Variants in GATAD2B observed in about 807,000 individuals in gnomAD.
The protein encoded by GATAD2B is GATA zinc finger domain containing 2B, also known as transcriptional repressor p66-beta.
A neutral mutation model predicts 64.3 loss-of-function variants in GATAD2B; 8 were observed. The observed-to-expected ratio is 0.12, with a 90% CI of 0.07 to 0.22. The LOEUF (loss-of-function observed/expected upper bound fraction) is 0.22, where lower values mean the gene tolerates loss of function less well. Ranked by LOEUF, GATAD2B falls within the 10% of genes least tolerant of loss-of-function variation. GATAD2B has a pLI of 1.00. For missense variants in GATAD2B, 453 were observed against 752.0 expected, an observed-to-expected ratio of 0.60 and a Z score of 4.65; for synonymous variants, 281 against 271.3, an observed-to-expected ratio of 1.04 and a Z score of -0.35.
chr1:153,859,163 G>C (rs1281400642), intron 1 of GATAD2B, among the ~76,000 whole-genome samples: 2 of 152,048 alleles, frequency 1.3e-5, no homozygotes, highest in Non-Finnish European at 2.9e-5. Flanking sequence ...AAGAGTCCAA[G>C]ACCAGCCTGG....
At chr1:153,917,327 A>C (rs540473738) in intron 1 of GATAD2B, among the ~76,000 whole-genome samples, 1 of 150,020 alleles carries the variant, frequency 6.7e-6, no homozygotes, top group South Asian at 2.1e-4. Flanking sequence ...TGAACTCCTG[A>C]CCTCATGATA....
intron 1 of GATAD2B, among the ~76,000 whole-genome samples, chr1:153,895,285 G>A (rs1029396016): frequency 1.7e-4 from 25 of 151,498 alleles, no homozygotes; most frequent in Non-Finnish European, 2.5e-4. Flanking sequence ...AGTGAGCCAA[G>A]ATCGCGCCAC....
At chr1:153,828,799 C>T (rs756905358) in intron 1 of GATAD2B, among the ~76,000 whole-genome samples, 2 of 152,112 alleles carry the variant, frequency 1.3e-5, no homozygotes, top group Non-Finnish European at 2.9e-5. Flanking sequence ...AACTCAGGTG[C>T]TTAGCCTGAT....
chr1:153,841,124 CA>C (rs941317761), intron 1 of GATAD2B, among the ~76,000 whole-genome samples: 27,775 of 77,000 alleles, frequency 0.36, 2,101 homozygotes, highest in Admixed American at 0.45. Context: ...GACTCCGTCT[CA>C]AAAAAAAAAA....
In GATAD2B at chr1:153,813,472, GT is replaced by G. The variant is rs761238396; in HGVS notation, c.1217-21del. 3.9e-5 allele frequency: 61 copies of G among 1,564,882 alleles called. No homozygotes were observed. In the Admixed American group the frequency reaches 1.0e-3, roughly 26 times the overall value. On this transcript the variant is annotated intron_variant, in intron 7 of 10. Coordinates refer to ENST00000368655, the MANE Select transcript of GATAD2B (RefSeq NM_020699.4). ...TTTTGCCTAGATACCAACAAAAATA[GT>G]CAGTGGCTTTACATTTCCTATCTCC...
intron 1 of GATAD2B, among the ~76,000 whole-genome samples, chr1:153,851,031 A>G (rs926347384): frequency 4.0e-5 from 6 of 151,746 alleles, no homozygotes; most frequent in Non-Finnish European, 8.8e-5. Flanking sequence ...CTATAGGTAC[A>G]GTGTTGTATG....
intron 1 of GATAD2B, among the ~76,000 whole-genome samples, chr1:153,869,677 G>A (rs1676596884): frequency 6.6e-6 from 1 of 152,174 alleles, no homozygotes; most frequent in Non-Finnish European, 1.5e-5. Context: ...GCGAAACCAA[G>A]ATCTGGTGTC....
chr1:153,833,811 CAAAAAAAAAAA>C (rs71093292), intron 1 of GATAD2B, among the ~76,000 whole-genome samples: 2 of 61,902 alleles, frequency 3.2e-5, no homozygotes, highest in South Asian at 1.2e-3. Context: ...ACTCAGTCTC[CAAAAAAAAAAA>C]AAAAAAAAAG....
intron 1 of GATAD2B, among the ~76,000 whole-genome samples, chr1:153,907,174 AAAGCAGGGACTC>A (rs1221847991): frequency 6.6e-6 from 1 of 152,202 alleles, no homozygotes; most frequent in Non-Finnish European, 1.5e-5. Flanking sequence ...AAAACAATCG[AAAGCAGGGACTC>A]AAGCAGATAT....
chr1:153,888,479 C>CT (rs1410364509), intron 1 of GATAD2B, among the ~76,000 whole-genome samples: 1 of 152,142 alleles, frequency 6.6e-6, no homozygotes, highest in Admixed American at 6.6e-5. Context: ...TACTTCATTT[C>CT]TTAATACTTG....
At chr1:153,818,680 T>C in intron 4 of GATAD2B, 111 bp downstream of exon 4, 1 of 941,174 alleles carries the variant, frequency 1.1e-6, no homozygotes, top group South Asian at 1.6e-5. Flanking sequence ...ACTAAAAAAC[T>C]ACGGACCCAG....
At chr1:153,850,230 A>G (rs892253395) in intron 1 of GATAD2B, among the ~76,000 whole-genome samples, 4 of 152,014 alleles carry the variant, frequency 2.6e-5, no homozygotes, top group Non-Finnish European at 5.9e-5. Context: ...TTTTATATTC[A>G]TTTCCCAGTT....
chr1:153,828,310 A>C lies in GATAD2B; in HGVS notation c.38T>G (p.Leu13Arg), dbSNP rs1234655864. Reference sequence around the variant, plus strand: ...TGCTGGGTCCAAGCTCCGCTTCAACAGATTCAAGCGAAGAGCATCTTCTGT... The same window carrying C: ...TGCTGGGTCCAAGCTCCGCTTCAACCGATTCAAGCGAAGAGCATCTTCTGT... ...RMTEDALRLN[L>R]LKRSLDPADE... is the part of the protein sequence containing the mutation. The change falls in exon 2 of 11, where the codon CTG (leucine) becomes CGG (arginine). Residue 13 changes from leucine (L) to arginine (R), a missense_variant. Coordinates refer to ENST00000368655, the MANE Select transcript of GATAD2B (RefSeq NM_020699.4). The C allele has an allele frequency of 6.2e-7, 1 of 1,612,584 alleles. No individual in the cohort carries two copies. Among genetic ancestry groups the C allele is most frequent in the African/African-American group, 1.3e-5 (1 of 75,072 alleles).
chr1:153,836,530 C>T (rs984802736), intron 1 of GATAD2B, among the ~76,000 whole-genome samples: 3 of 149,642 alleles, frequency 2.0e-5, no homozygotes, highest in African/African-American at 4.9e-5. Context: ...GGATTACAGG[C>T]GTGAGCCACT....
At chr1:153,830,632 C>T (rs1275918348) in intron 1 of GATAD2B, among the ~76,000 whole-genome samples, 9 of 149,658 alleles carry the variant, frequency 6.0e-5, no homozygotes, top group Non-Finnish European at 7.4e-5. Context: ...CCCGCCACTA[C>T]GCCCGGCTAA....
At chr1:153,901,899 C>A (rs1044224328) in intron 1 of GATAD2B, among the ~76,000 whole-genome samples, 1 of 149,098 alleles carries the variant, frequency 6.7e-6, no homozygotes, top group East Asian at 2.0e-4. Flanking sequence ...CCACCCTGAA[C>A]GTGCCCGGTC....
chr1:153,877,929 T>G (rs534891538), intron 1 of GATAD2B, among the ~76,000 whole-genome samples: 1 of 149,432 alleles, frequency 6.7e-6, no homozygotes, highest in South Asian at 2.1e-4. Flanking sequence ...TTCTAAGAAC[T>G]AGGTAATCCC....
intron 1 of GATAD2B, among the ~76,000 whole-genome samples, chr1:153,829,765 A>C (rs1675011436): frequency 1.3e-5 from 2 of 151,998 alleles, no homozygotes; most frequent in African/African-American, 2.4e-5. Context: ...GAATGAATTA[A>C]ATTAAAAAGA....
chr1:153,866,790 TG>T (rs1350286370), intron 1 of GATAD2B, among the ~76,000 whole-genome samples: 1 of 152,208 alleles, frequency 6.6e-6, no homozygotes, highest in Non-Finnish European at 1.5e-5. Context: ...TGTTTTGTTT[TG>T]TTTTGTTTTG....
Sources: gnomAD v4.1 joint callset for allele counts (sites outside exome capture counted in the v4.1 genomes callset) on GRCh38, gnomAD v4.1.1 for gene constraint, MANE v1.5 for transcripts, NCBI Gene and HGNC (gene_info 2026-07-23, HGNC 2026-07-21) for gene names.